Variants in APBB2 observed in about 807,000 individuals in gnomAD.
The protein encoded by APBB2 is Fe65-like 1.
APBB2 carries 38 observed loss-of-function variants against 82.5 expected under a neutral mutation model. The observed-to-expected ratio is 0.46, with a 90% CI of 0.36 to 0.60. The LOEUF is 0.60. Among genes scored for constraint, APBB2 ranks in the 20% least tolerant of loss-of-function variants. The pLI, the probability that APBB2 is intolerant of heterozygous loss-of-function variation, is 0.00. For missense variants in APBB2, 772 were observed against 972.3 expected, an observed-to-expected ratio of 0.79 and a Z score of 2.74; for synonymous variants, 341 against 368.2, an observed-to-expected ratio of 0.93 and a Z score of 0.85.
rs1164535942 is a variant in APBB2, at chr4:40,816,084, A to G, written c.*8T>C. On this transcript the variant is annotated 3_prime_UTR_variant, in exon 18 of 18. Coordinates refer to ENST00000508593, the MANE Select transcript of APBB2 (RefSeq NM_004307.2). The stretch of plus-strand genomic sequence containing the variant: ...CAGGTAAATAGCCGAGTCCTTTTGC[A>G]TGTGCAGCTATGGCATTTCGGTGAC... 5.0e-6 allele frequency: 8 copies of G among 1,610,182 alleles called. No homozygotes were observed. Among genetic ancestry groups the G allele is most frequent in the South Asian group, 2.2e-5 (2 of 91,018 alleles).
At chr4:41,181,127 A>AAATTGCAC (rs1771215312) in intron 1 of APBB2, among the ~76,000 whole-genome samples, 1 of 152,206 alleles carries the variant, frequency 6.6e-6, no homozygotes, top group African/African-American at 2.4e-5. Context: ...TTTGATTATG[A>AAATTGCAC]AATTGCACAG....
At chr4:40,927,198 C>T (rs989452674) in intron 10 of APBB2, among the ~76,000 whole-genome samples, 6 of 152,132 alleles carry the variant, frequency 3.9e-5, no homozygotes, top group South Asian at 2.1e-4. Context: ...CTTCCTTACC[C>T]GTTTCCTTAA....
chr4:40,916,914 G>A (rs1779988808), intron 10 of APBB2, among the ~76,000 whole-genome samples: 1 of 152,170 alleles, frequency 6.6e-6, no homozygotes, highest in Non-Finnish European at 1.5e-5. Context: ...GAAGGTCAGA[G>A]GGAAGAGGGG....
At chr4:40,910,936 G>A (rs1045170677) in intron 10 of APBB2, among the ~76,000 whole-genome samples, 1 of 152,268 alleles carries the variant, frequency 6.6e-6, no homozygotes, top group African/African-American at 2.4e-5. Flanking sequence ...ATGGGAAGCA[G>A]TTGTTTTTAT....
intron 1 of APBB2, among the ~76,000 whole-genome samples, chr4:41,165,173 C>A (rs1280961645): frequency 6.6e-6 from 1 of 151,274 alleles, no homozygotes; most frequent in Non-Finnish European, 1.5e-5. Context: ...CCAAAGAACC[C>A]CAGGTGTGCC....
intron 5 of APBB2, among the ~76,000 whole-genome samples, chr4:41,030,566 T>C (rs1716359052): frequency 6.6e-6 from 1 of 152,156 alleles, no homozygotes; most frequent in Admixed American, 6.5e-5. Context: ...CACCTAGCTC[T>C]CTTCCCTGCT....
chr4:40,880,616 G>C (rs1768193211), intron 12 of APBB2: 3 of 985,294 alleles, frequency 3.0e-6, no homozygotes, highest in East Asian at 2.3e-4. Context: ...GATGCTCCAA[G>C]TATTCAAAGA....
intron 2 of APBB2, among the ~76,000 whole-genome samples, chr4:41,109,273 A>G (rs1486965715): frequency 6.7e-6 from 1 of 149,344 alleles, no homozygotes; most frequent in African/African-American, 2.4e-5. Flanking sequence ...CTCTACACTA[A>G]AAAAAGAAAA....
intron 6 of APBB2, among the ~76,000 whole-genome samples, chr4:40,988,441 G>C (rs1173262242): frequency 2.6e-5 from 4 of 151,912 alleles, no homozygotes; most frequent in African/African-American, 9.7e-5. Context: ...TTCGAGACCA[G>C]TCTGGCCAAA....
At chr4:40,874,713 C>G (rs1578131473) in intron 12 of APBB2, among the ~76,000 whole-genome samples, 1 of 152,164 alleles carries the variant, frequency 6.6e-6, no homozygotes, top group Admixed American at 6.6e-5. Flanking sequence ...GACTGCGGGA[C>G]AGCTCAGACC....
intron 10 of APBB2, among the ~76,000 whole-genome samples, chr4:40,906,483 A>G (rs1477167510): frequency 4.7e-5 from 7 of 149,842 alleles, no homozygotes; most frequent in African/African-American, 1.5e-4. Flanking sequence ...AAAAAAAAAA[A>G]AAAAAGAAAA....
intron 3 of APBB2, among the ~76,000 whole-genome samples, chr4:41,074,768 C>A (rs564903844): frequency 1.4e-4 from 21 of 151,924 alleles, no homozygotes; most frequent in Non-Finnish European, 2.6e-4. Flanking sequence ...CGCCACCAGT[C>A]CCGGCTAATT....
chr4:41,174,237 G>T (rs1469542101), intron 1 of APBB2, among the ~76,000 whole-genome samples: 1 of 152,084 alleles, frequency 6.6e-6, no homozygotes, highest in African/African-American at 2.4e-5. Flanking sequence ...ACTTCTATTG[G>T]CCTCACAATC....
rs148100963 is a variant in APBB2, at chr4:41,205,633, G to A, written c.-417+8772C>T. ...ACACCAAAGCATACTTACAGGTAGGGCTACAAGCTCAACTGCCCTGGATAC... is the reference window on the plus strand; with the variant it reads ...ACACCAAAGCATACTTACAGGTAGGACTACAAGCTCAACTGCCCTGGATAC... On this transcript the variant is annotated intron_variant, in intron 1 of 17. Coordinates refer to ENST00000508593, the MANE Select transcript of APBB2 (RefSeq NM_004307.2). Among the ~76,000 whole-genome samples, 211 of 152,184 alleles carry A rather than the reference G, an allele frequency of 1.4e-3. 2 individuals are homozygous for A. The highest frequency in any genetic ancestry group is 4.5e-3 in the African/African-American group (186 of 41,528).
At chr4:40,883,361 CA>C (rs899666419) in intron 12 of APBB2, among the ~76,000 whole-genome samples, 19 of 152,008 alleles carry the variant, frequency 1.2e-4, no homozygotes, top group Admixed American at 2.6e-4. Flanking sequence ...CCGAGGAGGG[CA>C]GATCACCTGA....
At chr4:41,166,739 C>T (rs2154049313) in intron 1 of APBB2, among the ~76,000 whole-genome samples, 1 of 151,990 alleles carries the variant, frequency 6.6e-6, no homozygotes, top group African/African-American at 2.4e-5. Context: ...CTACTAAAAA[C>T]ACAAAAAATT....
chr4:40,973,697 G>T (rs1796483668), intron 6 of APBB2, among the ~76,000 whole-genome samples: 1 of 152,108 alleles, frequency 6.6e-6, no homozygotes, highest in East Asian at 1.9e-4. Context: ...ATTAAGGAGG[G>T]ATTCTTCCTT....
At chr4:41,034,336 T>A (rs1579421924) in intron 4 of APBB2, among the ~76,000 whole-genome samples, 1 of 152,112 alleles carries the variant, frequency 6.6e-6, no homozygotes, top group South Asian at 2.1e-4. Flanking sequence ...TGGTTTTTTG[T>A]TTTTTTGCAA....
intron 5 of APBB2, among the ~76,000 whole-genome samples, chr4:41,030,087 C>T (rs762033141): frequency 9.2e-5 from 14 of 152,080 alleles, no homozygotes; most frequent in Non-Finnish European, 8.8e-5. Flanking sequence ...ACCCGGGGGG[C>T]GAAGGTTGCA....
Sources: gnomAD v4.1 joint callset for allele counts (sites outside exome capture counted in the v4.1 genomes callset) on GRCh38, gnomAD v4.1.1 for gene constraint, MANE v1.5 for transcripts, NCBI Gene and HGNC (gene_info 2026-07-23, HGNC 2026-07-21) for gene names.